The following ZFC3H1 variants were observed in gnomAD, a reference collection of about 807,000 sequenced individuals.
The protein encoded by ZFC3H1 is zinc finger C3H1-type containing.
Under a neutral mutation model 243.7 loss-of-function variants are expected in ZFC3H1, and 71 were observed. That is an observed-to-expected ratio of 0.29 (90% CI 0.24 to 0.36). ZFC3H1 has a LOEUF of 0.36. Ranked by LOEUF, ZFC3H1 falls within the 10% of genes least tolerant of loss-of-function variation. The pLI is 1.00. For missense variants in ZFC3H1, 1,966 were observed against 2,317.1 expected, an observed-to-expected ratio of 0.85 and a Z score of 3.11; for synonymous variants, 838 against 813.0, an observed-to-expected ratio of 1.03 and a Z score of -0.52.
chr12:71,663,557 T>C lies in ZFC3H1; in HGVS notation c.54A>G (p.Glu18=). The C allele has an allele frequency of 1.2e-6, 2 of 1,613,286 alleles. No homozygotes were observed. The highest frequency in any genetic ancestry group is 1.1e-5 in the South Asian group (1 of 91,088). The stretch of plus-strand genomic sequence containing the variant: ...TTTCCCCATCTTCAAGCTCCCCTTC[T>C]TCCTTCGGCGAGAGGCCACTGGAGG... ...APASSGLSPK[E]EGELEDGEIS... is the part of the protein sequence containing the mutation. The change falls in exon 1 of 35, where the codon GAA becomes GAG. Residue 18 remains glutamate, a synonymous_variant. Coordinates refer to ENST00000378743, the MANE Select transcript of ZFC3H1 (RefSeq NM_144982.5).
intron 26 of ZFC3H1, 69 bp downstream of exon 26, chr12:71,619,857 C>T: frequency 7.0e-7 from 1 of 1,434,772 alleles, no homozygotes; most frequent in Non-Finnish European, 9.5e-7. Context: ...GGAAACACTT[C>T]CTGGTGAGGC....
intron 12 of ZFC3H1, among the ~76,000 whole-genome samples, chr12:71,633,732 T>A (rs1170097177): frequency 6.6e-6 from 1 of 152,138 alleles, no homozygotes; most frequent in Non-Finnish European, 1.5e-5. Flanking sequence ...CCAGGCACAG[T>A]GGGAATGCAT....
chr12:71,663,432 G>A lies in ZFC3H1; in HGVS notation c.179C>T (p.Ser60Leu), dbSNP rs755908983. 12 of 1,611,794 alleles carry A rather than the reference G, an allele frequency of 7.4e-6. No homozygotes were observed. Among genetic ancestry groups the A allele is most frequent in the South Asian group, 3.3e-5 (3 of 91,094 alleles). The change falls in exon 1 of 35, where the codon TCG becomes TTG. Residue 60 changes from serine to leucine, a missense_variant. Coordinates refer to ENST00000378743, the MANE Select transcript of ZFC3H1 (RefSeq NM_144982.5). ...TCCGCCAGATCCACCGCCCCGGGCCGAGTGAGGAGGCCTTCGCCGCGGATA... is the reference window on the plus strand; with the variant it reads ...TCCGCCAGATCCACCGCCCCGGGCCAAGTGAGGAGGCCTTCGCCGCGGATA... ...LPYPRRRPPH[S>L]ARGGGSGGGG...
At chr12:71,625,320 T>G (rs184316794) in intron 22 of ZFC3H1, among the ~76,000 whole-genome samples, 8 of 152,192 alleles carry the variant, frequency 5.3e-5, no homozygotes, top group Non-Finnish European at 8.8e-5. Flanking sequence ...GCTCCCAAGT[T>G]CAGGTGATAA....
intron 24 of ZFC3H1, among the ~76,000 whole-genome samples, chr12:71,622,120 T>C (rs1332153646): frequency 6.6e-6 from 1 of 152,204 alleles, no homozygotes; most frequent in Non-Finnish European, 1.5e-5. Flanking sequence ...TTCAAATCCA[T>C]TGCATAAATT....
intron 5 of ZFC3H1, 37 bp downstream of exon 5, chr12:71,644,058 G>T: frequency 6.5e-7 from 1 of 1,530,624 alleles, no homozygotes; most frequent in South Asian, 1.2e-5. Flanking sequence ...AGGAAACTTA[G>T]AGTAACGTTT....
At chr12:71,649,811 T>C (rs1235718091) in intron 2 of ZFC3H1, among the ~76,000 whole-genome samples, 2 of 152,208 alleles carry the variant, frequency 1.3e-5, no homozygotes, top group Non-Finnish European at 2.9e-5. Flanking sequence ...CTATAAAAAA[T>C]GGCAGCACCT....
chr12:71,633,239 G>T, intron 13 of ZFC3H1, 25 bp downstream of exon 13: 1 of 1,550,796 alleles, frequency 6.4e-7, no homozygotes, highest in South Asian at 1.2e-5. Flanking sequence ...GTAAACAGGA[G>T]ACTACAGTAT....
At position 71,633,551 on chromosome 12, in the gene ZFC3H1, C is replaced by T; in HGVS notation, c.2511-113G>A. The T allele has an allele frequency of 7.7e-6, 6 of 776,690 alleles. No individual in the cohort carries two copies. The South Asian group carries it at 1.2e-4, about 15-fold the overall frequency. 48.1% of individuals were successfully genotyped at this position (776,690 alleles called of 1,614,324 possible). On this transcript the variant is annotated intron_variant, in intron 12 of 34. Transcript: ENST00000378743. ...TTTTTAAAAATGCATCTACGAGACA[C>T]AGATAAAAATGTAAAGGGATGAATA...
intron 1 of ZFC3H1, among the ~76,000 whole-genome samples, chr12:71,660,741 T>C (rs1881147461): frequency 6.6e-6 from 1 of 152,100 alleles, no homozygotes; most frequent in African/African-American, 2.4e-5. Context: ...TACTTCAGTT[T>C]CAACTTTTTA....
Position 71,632,979 on chromosome 12 carries a change from A to G in ZFC3H1, c.2724T>C (p.Ala908=), listed in dbSNP as rs1320088479. The change falls in exon 14 of 35, where the codon GCT becomes GCC. Residue 908 remains alanine (A), a synonymous_variant. Transcript: ENST00000378743. ...GCTCTTCTCCATATTTTAGAGTCAA[A>G]GCTTTCTTAATTGTAACACGCTGTT... ...RVQQRVTIKK[A]LTLKYGEELA... 1.9e-6 allele frequency: 3 copies of G among 1,612,738 alleles called. No homozygotes were observed. Among genetic ancestry groups the G allele is most frequent in the Admixed American group, 1.7e-5 (1 of 59,712 alleles).
intron 2 of ZFC3H1, 28 bp downstream of exon 2, chr12:71,656,857 T>G: frequency 6.3e-7 from 1 of 1,576,924 alleles, no homozygotes; most frequent in Non-Finnish European, 8.6e-7. Context: ...GAAGAGTCAT[T>G]ACTAACTGAA....
chr12:71,611,158 T>G, intron 32 of ZFC3H1, 61 bp from the exon 33 acceptor site: 1 of 1,460,054 alleles, frequency 6.8e-7, no homozygotes, highest in Non-Finnish European at 9.1e-7. Context: ...TATATATCTT[T>G]GAACAAAATG....
chr12:71,655,224 C>T (rs1352830506), intron 2 of ZFC3H1, among the ~76,000 whole-genome samples: 1 of 152,058 alleles, frequency 6.6e-6, no homozygotes, highest in East Asian at 1.9e-4. Flanking sequence ...TATTTTCTGA[C>T]AGTATGATTG....
rs1880206968 is a variant in ZFC3H1, at chr12:71,627,786, G to A, written c.4095C>T (p.Leu1365=). The change falls in exon 21 of 35, where the codon CTC becomes CTT. Residue 1365 remains leucine (L), a synonymous_variant. Transcript: ENST00000378743. ...LENPSHVQLW[L]KLAYKYLNQN... is the part of the protein sequence containing the mutation. The stretch of plus-strand genomic sequence containing the variant: ...GATTCAAGTACTTGTACGCAAGCTT[G>A]AGCCAAAGTTGTACATGAGAAGGAT... 6.2e-7 allele frequency: 1 copy of A among 1,613,364 alleles called. No individual in the cohort carries two copies. The highest frequency in any genetic ancestry group is 8.5e-7 in the Non-Finnish European group (1 of 1,179,708).
At chr12:71,616,296 TA>T (rs35035703) in intron 27 of ZFC3H1, among the ~76,000 whole-genome samples, 1 of 151,148 alleles carries the variant, frequency 6.6e-6, no homozygotes, top group African/African-American at 2.4e-5. Flanking sequence ...GACCCTTTCT[TA>T]AAAAAAAAGA....
intron 25 of ZFC3H1, 41 bp from the exon 26 acceptor site, chr12:71,620,165 A>T (rs1246055409): frequency 1.2e-6 from 2 of 1,611,700 alleles, no homozygotes; most frequent in African/African-American, 1.3e-5. Flanking sequence ...ACATGAAAAG[A>T]TCACTTTTTA....
chr12:71,633,070 A>G, intron 13 of ZFC3H1, 53 bp from the exon 14 acceptor site: 1 of 1,533,234 alleles, frequency 6.5e-7, no homozygotes, highest in Non-Finnish European at 8.7e-7. Flanking sequence ...TAAAACAGGA[A>G]ATTTCTTCTT....
At chr12:71,658,122 C>T (rs1032586341) in intron 1 of ZFC3H1, among the ~76,000 whole-genome samples, 2 of 151,992 alleles carry the variant, frequency 1.3e-5, no homozygotes, top group Non-Finnish European at 2.9e-5. Context: ...CAGTGATACA[C>T]AAAAGGTAAC....
Sources: allele counts gnomAD v4.1 joint callset (sites outside exome capture counted in the v4.1 genomes callset), GRCh38; gene constraint gnomAD v4.1.1; transcripts MANE v1.5; gene names NCBI Gene and HGNC (gene_info 2026-07-23, HGNC 2026-07-21).